Variants in COL5A2 observed in about 807,000 individuals in gnomAD.
COL5A2 encodes the protein collagen alpha-2(V) chain.
In COL5A2, 23 loss-of-function variants were observed where a neutral mutation model predicts 208.2. That is an observed-to-expected ratio of 0.11 (90% CI 0.08 to 0.16). The LOEUF is 0.16. Among genes scored for constraint, COL5A2 ranks in the 10% least tolerant of loss-of-function variants. COL5A2 has a pLI of 1.00. For missense variants in COL5A2, 1,590 were observed against 1,956.4 expected (o/e 0.81, Z 3.53); for synonymous variants, 625 against 628.5 (o/e 0.99, Z 0.08).
chr2:189,293,610 T>C, the COL5A2 span, among the ~76,000 whole-genome samples: 1 of 152,106 alleles, frequency 6.6e-6, no homozygotes, highest in African/African-American at 2.4e-5. Context: ...TGATAAGGAT[T>C]AGTACTTTTA....
chr2:189,062,748 A>G, intron 29 of COL5A2, 117 bp downstream of exon 29: 5 of 1,156,102 alleles, frequency 4.3e-6, no homozygotes, highest in Non-Finnish European at 6.5e-6. Flanking sequence ...CTTCATTCCC[A>G]TACATTCTTA....
chr2:189,251,168 T>C, the COL5A2 span, among the ~76,000 whole-genome samples: 1 of 152,234 alleles, frequency 6.6e-6, no homozygotes, highest in South Asian at 2.1e-4. Context: ...TTGTTGAATA[T>C]GAATTAGAAG....
At chr2:189,189,693 T>TAC (rs1688899745) in intron 1 of COL5A2, among the ~76,000 whole-genome samples, 1 of 151,884 alleles carries the variant, frequency 6.6e-6, no homozygotes, top group South Asian at 2.1e-4. Flanking sequence ...TGTATATATA[T>TAC]ATATTTCATT....
upstream of COL5A2, among the ~76,000 whole-genome samples, chr2:189,180,344 T>C (rs1378961014): frequency 6.6e-6 from 1 of 152,212 alleles, no homozygotes; most frequent in African/African-American, 2.4e-5. Context: ...GATAAATGAA[T>C]TTGTGATACA....
chr2:189,247,189 A>C, the COL5A2 span, among the ~76,000 whole-genome samples: 4 of 152,324 alleles, frequency 2.6e-5, no homozygotes, highest in South Asian at 2.1e-4. Context: ...AGAAGAGAAC[A>C]CTGTAGATGG....
chr2:189,087,734 T>C (rs1322393393), intron 8 of COL5A2, among the ~76,000 whole-genome samples: 3 of 151,652 alleles, frequency 2.0e-5, no homozygotes, highest in Non-Finnish European at 4.4e-5. Context: ...CCCAAAGTGC[T>C]GGGAGAACAG....
At chr2:189,268,649 A>G in the COL5A2 span, among the ~76,000 whole-genome samples, 1 of 152,164 alleles carries the variant, frequency 6.6e-6, no homozygotes, top group African/African-American at 2.4e-5. Context: ...ACTATAAACA[A>G]TACACAAAAA....
intron 12 of COL5A2, among the ~76,000 whole-genome samples, chr2:189,083,322 G>T (rs1048263974): frequency 1.9e-4 from 29 of 152,164 alleles, no homozygotes; most frequent in African/African-American, 6.5e-4. Flanking sequence ...AAGGGGCCAG[G>T]TCTTGGATTC....
At chr2:189,078,593 T>C (rs777516823) in intron 15 of COL5A2, 24 bp from the exon 16 acceptor site, 5 of 1,593,042 alleles carry the variant, frequency 3.1e-6, no homozygotes. Flanking sequence ...AGAAGAAATG[T>C]CTCTTGAAGC....
chr2:189,080,885 A>G (rs926315354), intron 13 of COL5A2, 105 bp downstream of exon 13: 5 of 933,560 alleles, frequency 5.4e-6, no homozygotes, highest in Non-Finnish European at 8.9e-6. Context: ...ATAGACAGTT[A>G]AGGACAATTG....
At chr2:189,292,036 T>G in the COL5A2 span, among the ~76,000 whole-genome samples, 1 of 152,156 alleles carries the variant, frequency 6.6e-6, no homozygotes, top group Non-Finnish European at 1.5e-5. Context: ...AATGGATAGC[T>G]CCAACCTTTA....
chr2:189,039,644 T>G, intron 50 of COL5A2, 81 bp from the exon 51 acceptor site: 1 of 1,367,284 alleles, frequency 7.3e-7, no homozygotes, highest in Non-Finnish European at 1.0e-6. Context: ...CATAGGGAGT[T>G]CCAATGAGAC....
At chr2:189,253,997 A>G in the COL5A2 span, among the ~76,000 whole-genome samples, 1 of 152,360 alleles carries the variant, frequency 6.6e-6, no homozygotes, top group East Asian at 1.9e-4. Flanking sequence ...TTCAAAGGAA[A>G]ACCATCAACT....
chr2:189,389,167 C>G, the COL5A2 span, among the ~76,000 whole-genome samples: 13 of 152,098 alleles, frequency 8.5e-5, no homozygotes, highest in African/African-American at 2.9e-4. Flanking sequence ...GTTTAACACT[C>G]TATATAAAGT....
chr2:189,385,116 A>T, the COL5A2 span, among the ~76,000 whole-genome samples: 1 of 152,102 alleles, frequency 6.6e-6, no homozygotes, highest in Non-Finnish European at 1.5e-5. Context: ...AAGTTCACAG[A>T]TTTCTTATAT....
the COL5A2 span, among the ~76,000 whole-genome samples, chr2:189,422,736 C>T: frequency 2.6e-5 from 4 of 152,120 alleles, no homozygotes; most frequent in Non-Finnish European, 4.4e-5. Context: ...TCAGAAAATT[C>T]ACCCAAGGCC....
intron 1 of COL5A2, among the ~76,000 whole-genome samples, chr2:189,186,319 GA>G (rs1688851462): frequency 6.6e-6 from 1 of 151,960 alleles, no homozygotes; most frequent in Non-Finnish European, 1.5e-5. Context: ...TTTTTGAACA[GA>G]AAAAGACTGC....
At chr2:189,312,474 G>A in the COL5A2 span, among the ~76,000 whole-genome samples, 1 of 152,176 alleles carries the variant, frequency 6.6e-6, no homozygotes, top group Non-Finnish European at 1.5e-5. Flanking sequence ...GCCGTAGCTG[G>A]GCACCTGGAC....
At chr2:189,036,464 T>TA in intron 52 of COL5A2, 152 bp downstream of exon 52, 1 of 634,144 alleles carries the variant, frequency 1.6e-6, no homozygotes, top group Non-Finnish European at 2.7e-6. Flanking sequence ...GCAATGGTAT[T>TA]ACAATTGTAA....
Sources: gnomAD v4.1 joint callset for allele counts (sites outside exome capture counted in the v4.1 genomes callset) on GRCh38, gnomAD v4.1.1 for gene constraint, MANE v1.5 for transcripts, NCBI Gene and HGNC (gene_info 2026-07-23, HGNC 2026-07-21) for gene names.